TASP1: variants seen among roughly 807,000 people sequenced by gnomAD.
The protein encoded by TASP1 is taspase 1.
TASP1 carries 16 observed loss-of-function variants against 56.6 expected under a neutral mutation model. That is an observed-to-expected ratio of 0.28 (90% CI 0.19 to 0.43). TASP1 has a LOEUF of 0.43. Ranked by LOEUF, TASP1 falls within the 20% of genes least tolerant of loss-of-function variation. The pLI, the probability that TASP1 is intolerant of heterozygous loss-of-function variation, is 1.00. For missense variants in TASP1, 393 were observed against 511.6 expected (o/e 0.77, Z 2.24); for synonymous variants, 179 against 184.2 (o/e 0.97, Z 0.23).
the TASP1 span, among the ~76,000 whole-genome samples, chr20:13,179,896 A>G: frequency 6.6e-6 from 1 of 152,134 alleles, no homozygotes; most frequent in Non-Finnish European, 1.5e-5. Flanking sequence ...CTGTAGGATG[A>G]ATCTGTTGAT....
At chr20:13,410,565 T>C (rs2042062695) in intron 13 of TASP1, among the ~76,000 whole-genome samples, 1 of 152,204 alleles carries the variant, frequency 6.6e-6, no homozygotes, top group Admixed American at 6.5e-5. Context: ...TGATTTGCAT[T>C]TCCCTGATGA....
chr20:13,175,010 A>G, the TASP1 span, among the ~76,000 whole-genome samples: 1 of 152,070 alleles, frequency 6.6e-6, no homozygotes, highest in Non-Finnish European at 1.5e-5. Context: ...GTAATATGTG[A>G]CTTTGCTCTT....
chr20:13,504,969 T>C (rs2044076183), intron 10 of TASP1, among the ~76,000 whole-genome samples: 1 of 151,888 alleles, frequency 6.6e-6, no homozygotes, highest in African/African-American at 2.4e-5. Flanking sequence ...TGAATGTAAA[T>C]ATACTAAATT....
intron 13 of TASP1, among the ~76,000 whole-genome samples, chr20:13,397,317 A>G (rs1301262375): frequency 6.6e-6 from 1 of 152,212 alleles, no homozygotes. Context: ...ATAAGTCCCT[A>G]TATTTGCATA....
the TASP1 span, among the ~76,000 whole-genome samples, chr20:13,291,217 G>A: frequency 0.024 from 3,725 of 152,228 alleles, 145 homozygotes; most frequent in African/African-American, 0.084. Context: ...TTTTCTTCTC[G>A]TGTGTCCTCA....
chr20:13,173,679 C>T, the TASP1 span, among the ~76,000 whole-genome samples: 199 of 152,218 alleles, frequency 1.3e-3, no homozygotes, highest in African/African-American at 4.6e-3. Flanking sequence ...ATAGGTTTCT[C>T]ACCTCTGTGA....
At chr20:13,225,055 G>A in the TASP1 span, among the ~76,000 whole-genome samples, 69,342 of 148,516 alleles carry the variant, frequency 0.47, 16,194 homozygotes, top group South Asian at 0.56. Context: ...GGGTTTCACC[G>A]TGTTAGCCAG....
At chr20:13,494,779 A>C (rs956512184) in intron 10 of TASP1, among the ~76,000 whole-genome samples, 4 of 152,248 alleles carry the variant, frequency 2.6e-5, no homozygotes, top group East Asian at 1.9e-4. Flanking sequence ...CATAGTAATA[A>C]TTATCTGCAA....
At chr20:13,185,646 T>C in the TASP1 span, among the ~76,000 whole-genome samples, 2 of 152,178 alleles carry the variant, frequency 1.3e-5, no homozygotes, top group Non-Finnish European at 2.9e-5. Flanking sequence ...TTTATGACAA[T>C]GGAATTCTCT....
intron 4 of TASP1, among the ~76,000 whole-genome samples, chr20:13,599,486 T>G (rs1418324448): frequency 6.6e-6 from 1 of 151,954 alleles, no homozygotes; most frequent in Non-Finnish European, 1.5e-5. Context: ...ATGAAAACAC[T>G]TGGACACAGG....
At chr20:13,138,106 G>A in the TASP1 span, among the ~76,000 whole-genome samples, 90 of 152,242 alleles carry the variant, frequency 5.9e-4, no homozygotes, top group Middle Eastern at 3.4e-3. Context: ...CACCCCCACA[G>A]TCAGTATCAT....
At chr20:13,355,394 T>C in the TASP1 span, among the ~76,000 whole-genome samples, 1 of 152,216 alleles carries the variant, frequency 6.6e-6, no homozygotes, top group African/African-American at 2.4e-5. Flanking sequence ...GGCTCCTTTC[T>C]GCAACACTAC....
chr20:13,387,531 T>C (rs552069206), downstream of TASP1, among the ~76,000 whole-genome samples: 6 of 152,312 alleles, frequency 3.9e-5, no homozygotes, highest in East Asian at 1.2e-3. Context: ...CCATGGTGTA[T>C]ATGTACCACA....
intron 4 of TASP1, among the ~76,000 whole-genome samples, chr20:13,595,871 C>A (rs1380191073): frequency 6.6e-6 from 1 of 152,134 alleles, no homozygotes; most frequent in African/African-American, 2.4e-5. Flanking sequence ...CTGCACCAAG[C>A]AGACCTAATA....
chr20:13,590,341 C>T (rs1232155536), intron 4 of TASP1, among the ~76,000 whole-genome samples: 1 of 152,150 alleles, frequency 6.6e-6, no homozygotes, highest in East Asian at 1.9e-4. Flanking sequence ...TATAATCATA[C>T]AGATAACAAC....
At chr20:13,480,988 G>T (rs1179623722) in intron 11 of TASP1, among the ~76,000 whole-genome samples, 1 of 152,000 alleles carries the variant, frequency 6.6e-6, no homozygotes, top group Non-Finnish European at 1.5e-5. Flanking sequence ...ATTTTAAAAT[G>T]TATAATTAAA....
intron 11 of TASP1, among the ~76,000 whole-genome samples, chr20:13,438,680 C>T (rs1357282077): frequency 6.6e-6 from 1 of 152,172 alleles, no homozygotes. Flanking sequence ...TAAAGAGCTT[C>T]TGCACAGCAA....
chr20:13,268,181 CTT>C, the TASP1 span, among the ~76,000 whole-genome samples: 1 of 151,344 alleles, frequency 6.6e-6, no homozygotes, highest in South Asian at 2.1e-4. Context: ...CTCCTCTCCT[CTT>C]CTCTTCACTT....
the TASP1 span, among the ~76,000 whole-genome samples, chr20:13,326,379 T>C: frequency 6.6e-6 from 1 of 152,194 alleles, no homozygotes; most frequent in African/African-American, 2.4e-5. Flanking sequence ...ATATATTCGA[T>C]TTAAGTATAT....
Sources: allele counts gnomAD v4.1 joint callset (sites outside exome capture counted in the v4.1 genomes callset), GRCh38; gene constraint gnomAD v4.1.1; transcripts MANE v1.5; gene names NCBI Gene and HGNC (gene_info 2026-07-23, HGNC 2026-07-21).